The following PCCA variants were observed in gnomAD, a reference collection of about 807,000 sequenced individuals.
The protein encoded by PCCA is propionyl-CoA carboxylase subunit alpha.
PCCA carries 74 observed loss-of-function variants against 101.3 expected under a neutral mutation model. The observed-to-expected ratio is 0.73, with a 90% confidence interval of 0.61 to 0.89. PCCA has a LOEUF of 0.89. PCCA is among the 40% of genes least tolerant of loss of function. The pLI is 0.00. For missense variants in PCCA, 891 were observed against 907.0 expected, an observed-to-expected ratio of 0.98 and a Z score of 0.23; for synonymous variants, 294 against 313.6, an observed-to-expected ratio of 0.94 and a Z score of 0.66.
At chr13:100,191,053 G>A (rs1262280617) in intron 6 of PCCA, among the ~76,000 whole-genome samples, 5 of 152,106 alleles carry the variant, frequency 3.3e-5, no homozygotes, top group Non-Finnish European at 5.9e-5. Flanking sequence ...TCACACTACT[G>A]CACTCTAGCC....
chr13:100,366,716 CT>C (rs2075198339), intron 18 of PCCA, among the ~76,000 whole-genome samples: 1 of 152,116 alleles, frequency 6.6e-6, no homozygotes, highest in African/African-American at 2.4e-5. Flanking sequence ...GCTCTATCCC[CT>C]GAAACAGTTC....
At chr13:100,398,994 C>T (rs2077191091) in intron 19 of PCCA, among the ~76,000 whole-genome samples, 1 of 151,972 alleles carries the variant, frequency 6.6e-6, no homozygotes. Flanking sequence ...GAATATTTAA[C>T]ATAAAAAAGA....
At chr13:100,485,812 T>A (rs1010546016) in intron 21 of PCCA, among the ~76,000 whole-genome samples, 5 of 152,312 alleles carry the variant, frequency 3.3e-5, no homozygotes, top group Middle Eastern at 3.4e-3. Context: ...CTTCATTTAA[T>A]CTTCTCATGA....
intron 12 of PCCA, among the ~76,000 whole-genome samples, chr13:100,275,286 A>G (rs537316205): frequency 6.6e-6 from 1 of 152,152 alleles, no homozygotes; most frequent in East Asian, 1.9e-4. Flanking sequence ...TAGCCCTACC[A>G]TGGGTGCAGG....
At chr13:100,466,772 T>A (rs1475568254) in intron 21 of PCCA, among the ~76,000 whole-genome samples, 2 of 151,994 alleles carry the variant, frequency 1.3e-5, no homozygotes, top group East Asian at 3.9e-4. Flanking sequence ...GCAGGAGAAT[T>A]GCATGAACCC....
chr13:100,529,719 C>T (rs906226473), intron 23 of PCCA, among the ~76,000 whole-genome samples: 10 of 152,146 alleles, frequency 6.6e-5, no homozygotes, highest in African/African-American at 2.4e-4. Context: ...AGAACATTTC[C>T]ACAACCTCAA....
chr13:100,402,988 G>A (rs2077457275), intron 19 of PCCA, among the ~76,000 whole-genome samples: 1 of 151,724 alleles, frequency 6.6e-6, no homozygotes, highest in Non-Finnish European at 1.5e-5. Flanking sequence ...AGAGGACCAT[G>A]TGGAGAACTT....
intron 22 of PCCA, among the ~76,000 whole-genome samples, chr13:100,517,049 G>A (rs2086887420): frequency 7.1e-5 from 4 of 56,016 alleles, no homozygotes; most frequent in African/African-American, 3.0e-4. Context: ...ATAAAATCGT[G>A]TGTGTGTGTG....
chr13:100,479,819 C>T (rs1286366324), intron 21 of PCCA: 1 of 132,090 alleles, frequency 7.6e-6, no homozygotes, highest in East Asian at 2.0e-4. Context: ...CCTACTGCTT[C>T]CCTTTGCACT....
chr13:100,148,034 C>T (rs2152362977), intron 4 of PCCA, among the ~76,000 whole-genome samples: 1 of 152,258 alleles, frequency 6.6e-6, no homozygotes, highest in African/African-American at 2.4e-5. Context: ...CCTCCTGCCT[C>T]AGCCTCCTAA....
intron 9 of PCCA, among the ~76,000 whole-genome samples, chr13:100,261,375 CT>C (rs759988465): frequency 7.5e-5 from 11 of 145,704 alleles, no homozygotes; most frequent in South Asian, 2.2e-4. Flanking sequence ...TTTTTCTTTT[CT>C]TTTTTTTTTG....
intron 6 of PCCA, among the ~76,000 whole-genome samples, chr13:100,193,833 A>G (rs1376530841): frequency 6.6e-6 from 1 of 152,166 alleles, no homozygotes; most frequent in Non-Finnish European, 1.5e-5. Flanking sequence ...TAATCCCAGC[A>G]CTTTGGGAGG....
chr13:100,472,377 C>G (rs2083088834), intron 21 of PCCA, among the ~76,000 whole-genome samples: 1 of 152,092 alleles, frequency 6.6e-6, no homozygotes, highest in Non-Finnish European at 1.5e-5. Context: ...CAGTCTGGCC[C>G]TCGGTGGTCC....
chr13:100,185,894 G>A (rs1030961480), intron 6 of PCCA, among the ~76,000 whole-genome samples: 3 of 152,060 alleles, frequency 2.0e-5, no homozygotes, highest in African/African-American at 7.2e-5. Flanking sequence ...CGATCCACCC[G>A]CCTTGGCCTC....
chr13:100,473,832 G>A (rs991555690), intron 21 of PCCA, among the ~76,000 whole-genome samples: 2 of 152,206 alleles, frequency 1.3e-5, no homozygotes, highest in Non-Finnish European at 2.9e-5. Flanking sequence ...AGTCTCATTA[G>A]GGGAGACATC....
intron 12 of PCCA, among the ~76,000 whole-genome samples, chr13:100,275,709 T>G (rs2063606208): frequency 6.6e-6 from 1 of 152,186 alleles, no homozygotes; most frequent in Non-Finnish European, 1.5e-5. Context: ...GCAGTATTTA[T>G]CATTTAATTT....
At chr13:100,455,310 A>G (rs575960115) in intron 21 of PCCA, among the ~76,000 whole-genome samples, 1 of 152,340 alleles carries the variant, frequency 6.6e-6, no homozygotes, top group East Asian at 1.9e-4. Context: ...TGTTACTCCC[A>G]TTCTGTCACT....
chr13:100,292,170 C>T (rs1402604160), intron 12 of PCCA, among the ~76,000 whole-genome samples: 1 of 152,190 alleles, frequency 6.6e-6, no homozygotes, highest in African/African-American at 2.4e-5. Flanking sequence ...TGTGAACCCT[C>T]TGAAGTCAGA....
chr13:100,499,099 A>G (rs988304649), intron 21 of PCCA, among the ~76,000 whole-genome samples: 1 of 152,222 alleles, frequency 6.6e-6, no homozygotes, highest in Non-Finnish European at 1.5e-5. Context: ...ACCAAGCCAC[A>G]AAACTATGGG....
Sources: allele counts gnomAD v4.1 joint callset (sites outside exome capture counted in the v4.1 genomes callset), GRCh38; gene constraint gnomAD v4.1.1; transcripts MANE v1.5; gene names NCBI Gene and HGNC (gene_info 2026-07-23, HGNC 2026-07-21).